JAK1: variants seen among roughly 807,000 people sequenced by gnomAD.
JAK1 encodes the protein Janus kinase 1.
In JAK1, 16 loss-of-function variants were observed where a neutral mutation model predicts 136.6. That is an observed-to-expected ratio of 0.12 (90% confidence interval 0.08 to 0.18). The LOEUF is 0.18. JAK1 is among the 10% of genes least tolerant of loss of function. The probability of loss-of-function intolerance (pLI) is 1.00; values close to 1 mark genes in which losing one functional copy is unlikely to be tolerated. For synonymous variants in JAK1, 492 were observed against 519.5 expected (o/e 0.95, Z 0.72); for missense variants, 859 against 1,450.1 (o/e 0.59, Z 6.62).
At chr1:64,896,178 A>C (rs1210224841) in intron 1 of JAK1, among the ~76,000 whole-genome samples, 2 of 152,266 alleles carry the variant, frequency 1.3e-5, no homozygotes, top group Non-Finnish European at 2.9e-5. Flanking sequence ...ATAGGAAGGC[A>C]GTCTCAATGA....
chr1:64,897,653 G>A (rs1298622539), intron 1 of JAK1, among the ~76,000 whole-genome samples: 5 of 150,624 alleles, frequency 3.3e-5, no homozygotes, highest in African/African-American at 1.2e-4. Flanking sequence ...CAAAAAAGAT[G>A]AGGTAAGGAG....
chr1:64,847,625 C>G lies in JAK1; in HGVS notation c.1806G>C (p.Leu602=). ...GTRTHIYSGT[L]MDYKDDEGTS... ...TTCCTTCGTCATCCTTGTAATCCAT[C>G]AGGGTCCCAGAATAGATGTGTGTTC... Residue 602 remains leucine, a synonymous_variant, in exon 13 of 25, where the codon CTG becomes CTC. Transcript: ENST00000342505. 1.2e-6 allele frequency: 2 copies of G among 1,614,146 alleles called. No homozygotes were observed. The highest frequency in any genetic ancestry group is 1.7e-6 in the Non-Finnish European group (2 of 1,180,014).
At chr1:64,861,903 A>AG (rs148052972) in intron 8 of JAK1, among the ~76,000 whole-genome samples, 3,317 of 152,298 alleles carry the variant, frequency 0.022, 130 homozygotes, top group African/African-American at 0.077. Flanking sequence ...GCTCTGAACA[A>AG]GGGGCAGGCT....
chr1:64,881,460 A>C (rs1339896004), intron 3 of JAK1, among the ~76,000 whole-genome samples: 2 of 152,056 alleles, frequency 1.3e-5, no homozygotes, highest in African/African-American at 2.4e-5. Context: ...GAGGGGGTGA[A>C]TCAATGAGAA....
chr1:65,024,661 AAAAAAAAAAAAAAAAAAAAGAAAG>A (rs1274542768), intron 2 of JAK1, among the ~76,000 whole-genome samples: 1 of 76,442 alleles, frequency 1.3e-5, no homozygotes, highest in Non-Finnish European at 2.2e-5. Flanking sequence ...GGTCCAAAGC[AAAAAAAAAAAAAAAAAAAAGAAAG>A]AAAAAAAAAG....
chr1:64,850,961 T>G, intron 11 of JAK1, 51 bp from the exon 12 acceptor site: 16 of 1,287,496 alleles, frequency 1.2e-5, no homozygotes, highest in Non-Finnish European at 1.6e-5. Context: ...ATCCGAGCTC[T>G]CAGACAGCCA....
At chr1:65,028,078 C>T (rs919951441) in intron 2 of JAK1, among the ~76,000 whole-genome samples, 3 of 152,098 alleles carry the variant, frequency 2.0e-5, no homozygotes, top group East Asian at 1.9e-4. Flanking sequence ...TTGGGTGAAC[C>T]CTCAGTAAGT....
upstream of JAK1, among the ~76,000 whole-genome samples, chr1:64,969,038 A>T (rs1298005336): frequency 1.3e-5 from 2 of 151,354 alleles, no homozygotes; most frequent in Non-Finnish European, 2.9e-5. Context: ...TGAGCCCAGG[A>T]GTTTGAGGCT....
intron 2 of JAK1, among the ~76,000 whole-genome samples, chr1:65,018,544 T>C (rs1316332646): frequency 1.3e-5 from 2 of 149,780 alleles, no homozygotes; most frequent in African/African-American, 2.5e-5. Context: ...AAGGGGATAT[T>C]ACTCCAGATG....
intron 2 of JAK1, among the ~76,000 whole-genome samples, chr1:64,982,060 T>C (rs1248784011): frequency 6.6e-6 from 1 of 151,840 alleles, no homozygotes; most frequent in Non-Finnish European, 1.5e-5. Flanking sequence ...TTCTACAGAG[T>C]TGATGTCAAC....
chr1:64,987,897 T>C (rs1388609511), intron 2 of JAK1, among the ~76,000 whole-genome samples: 1 of 152,254 alleles, frequency 6.6e-6, no homozygotes, highest in Non-Finnish European at 1.5e-5. Context: ...TTTTATAACA[T>C]AGGGCAATAT....
chr1:64,907,796 G>T (rs977970673), intron 1 of JAK1, among the ~76,000 whole-genome samples: 2 of 152,106 alleles, frequency 1.3e-5, no homozygotes, highest in African/African-American at 4.8e-5. Flanking sequence ...TTACCTCCAA[G>T]TGTAATAAAA....
chr1:64,922,490 AT>A (rs5774734), intron 1 of JAK1, among the ~76,000 whole-genome samples: 1 of 151,064 alleles, frequency 6.6e-6, no homozygotes, highest in African/African-American at 2.4e-5. Context: ...TTATAAACAC[AT>A]TTTTTTTTAA....
At chr1:65,016,874 G>C (rs1415510377) in intron 2 of JAK1, among the ~76,000 whole-genome samples, 1 of 151,962 alleles carries the variant, frequency 6.6e-6, no homozygotes, top group Non-Finnish European at 1.5e-5. Context: ...CTCCAGCCTG[G>C]GCAACAGAGC....
intron 1 of JAK1, among the ~76,000 whole-genome samples, chr1:65,059,216 G>A (rs1312592545): frequency 1.3e-5 from 2 of 151,338 alleles, no homozygotes; most frequent in Non-Finnish European, 2.9e-5. Context: ...CCCATGTCCA[G>A]AACCATGTCA....
In JAK1 at chr1:64,841,344, C is replaced by A. The variant is rs544541009; in HGVS notation, c.2555-5G>T. 4.3e-5 allele frequency: 69 copies of A among 1,613,392 alleles called. 2 individuals are homozygous for A. The South Asian group carries it at 7.0e-4, about 16-fold the overall frequency. ...TTTCTGAAACAATATCTGGATCTAA[C>A]AGAAGAGAAAAGAAAACAGAGTGAA... On this transcript the variant is annotated splice_region_variant and splice_polypyrimidine_tract_variant and intron_variant, in intron 18 of 24. Transcript: ENST00000342505.
chr1:64,915,816 G>A (rs1035554560), intron 1 of JAK1, among the ~76,000 whole-genome samples: 2 of 152,228 alleles, frequency 1.3e-5, no homozygotes, highest in African/African-American at 2.4e-5. Flanking sequence ...AACTAGAGAT[G>A]TCAGGTGAAG....
intron 1 of JAK1, among the ~76,000 whole-genome samples, chr1:64,902,347 T>C (rs1645119387): frequency 1.3e-5 from 2 of 152,104 alleles, no homozygotes; most frequent in Admixed American, 6.5e-5. Flanking sequence ...GTCCTGTCAT[T>C]TGTGCCATAG....
chr1:64,912,551 T>C (rs997897458), intron 1 of JAK1, among the ~76,000 whole-genome samples: 2 of 152,154 alleles, frequency 1.3e-5, no homozygotes, highest in African/African-American at 2.4e-5. Flanking sequence ...ACACCAATAA[T>C]AAAAGCTGAT....
Sources: allele counts gnomAD v4.1 joint callset (sites outside exome capture counted in the v4.1 genomes callset), GRCh38; gene constraint gnomAD v4.1.1; transcripts MANE v1.5; gene names NCBI Gene and HGNC (gene_info 2026-07-23, HGNC 2026-07-21).